Variants in ADAMTS18 observed in about 807,000 individuals in gnomAD.
The protein encoded by ADAMTS18 is ADAM metallopeptidase with thrombospondin type 1 motif 18.
In ADAMTS18, 157 loss-of-function variants were observed where a neutral mutation model predicts 165.9. The ratio of observed to expected loss-of-function variants is 0.95; its 90% CI spans 0.83 to 1.08. The LOEUF (loss-of-function observed/expected upper bound fraction) is 1.08, where lower values mean the gene tolerates loss of function less well. ADAMTS18 is among the 50% of genes least tolerant of loss of function. ADAMTS18 has a pLI of 0.00. For missense variants in ADAMTS18, 2,040 were observed against 1,534.0 expected (o/e 1.33, Z -5.51); for synonymous variants, 782 against 578.2 (o/e 1.35, Z -5.06).
intron 10 of ADAMTS18, among the ~76,000 whole-genome samples, chr16:77,343,749 T>A (rs1036008056): frequency 1.3e-5 from 2 of 152,190 alleles, no homozygotes; most frequent in African/African-American, 4.8e-5. Flanking sequence ...ACCAGATTAC[T>A]TTCCGTTCTA....
At chr16:77,386,108 A>G (rs1438841042) in intron 3 of ADAMTS18, among the ~76,000 whole-genome samples, 1 of 152,112 alleles carries the variant, frequency 6.6e-6, no homozygotes, top group Non-Finnish European at 1.5e-5. Flanking sequence ...TTCACTTGGG[A>G]TGTATGTAAC....
intron 16 of ADAMTS18, among the ~76,000 whole-genome samples, chr16:77,303,299 C>T (rs1207477241): frequency 6.6e-6 from 1 of 152,150 alleles, no homozygotes; most frequent in Non-Finnish European, 1.5e-5. Context: ...TGCATGGCTA[C>T]GGATGACACC....
intron 3 of ADAMTS18, among the ~76,000 whole-genome samples, chr16:77,413,253 A>G (rs965670148): frequency 1.3e-5 from 2 of 152,020 alleles, no homozygotes; most frequent in Non-Finnish European, 1.5e-5. Context: ...ACCCTCCCCT[A>G]CTTTTTGGGC....
intron 10 of ADAMTS18, among the ~76,000 whole-genome samples, chr16:77,349,004 C>T (rs556387374): frequency 2.6e-5 from 4 of 151,264 alleles, no homozygotes; most frequent in South Asian, 4.2e-4. Flanking sequence ...ATCACTGGAG[C>T]GTAAGTGCAT....
intron 12 of ADAMTS18, 68 bp from the exon 13 acceptor site, chr16:77,326,106 T>C (rs1023388999): frequency 7.4e-6 from 11 of 1,495,110 alleles, no homozygotes; most frequent in South Asian, 1.2e-5. Flanking sequence ...CATGCAATAA[T>C]ATGAAGAGAG....
At chr16:77,370,349 C>A (rs982247405) in intron 3 of ADAMTS18, among the ~76,000 whole-genome samples, 1 of 152,204 alleles carries the variant, frequency 6.6e-6, no homozygotes, top group Middle Eastern at 3.4e-3. Context: ...AAGAAACAAT[C>A]AAAAAACTAT....
intron 3 of ADAMTS18, among the ~76,000 whole-genome samples, chr16:77,404,216 C>A (rs184904829): frequency 1.3e-5 from 2 of 152,304 alleles, no homozygotes; most frequent in East Asian, 3.9e-4. Context: ...AGAGCTTGAA[C>A]TGACTTCTGC....
intron 3 of ADAMTS18, among the ~76,000 whole-genome samples, chr16:77,373,318 C>A (rs1012111869): frequency 6.6e-6 from 1 of 151,756 alleles, no homozygotes; most frequent in Non-Finnish European, 1.5e-5. Context: ...ACTAAAAATA[C>A]AAAAACTAGC....
intron 10 of ADAMTS18, among the ~76,000 whole-genome samples, chr16:77,347,001 C>T (rs1459556820): frequency 1.3e-5 from 2 of 152,172 alleles, no homozygotes; most frequent in Admixed American, 6.5e-5. Context: ...ATTCTGATTT[C>T]GGTCACCAAT....
chr16:77,416,767 G>A (rs778643162), intron 3 of ADAMTS18, among the ~76,000 whole-genome samples: 2 of 152,128 alleles, frequency 1.3e-5, no homozygotes, highest in Admixed American at 6.5e-5. Context: ...GGAAAATGAA[G>A]TCATCTCACC....
intron 3 of ADAMTS18, among the ~76,000 whole-genome samples, chr16:77,404,244 T>G (rs1409924232): frequency 6.6e-6 from 1 of 152,106 alleles, no homozygotes; most frequent in Admixed American, 6.6e-5. Flanking sequence ...CTAAAACAAT[T>G]ATCAAACTCC....
At chr16:77,433,794 T>TCC (rs1567563913) in intron 2 of ADAMTS18, among the ~76,000 whole-genome samples, 1 of 152,168 alleles carries the variant, frequency 6.6e-6, no homozygotes, top group Non-Finnish European at 1.5e-5. Flanking sequence ...CCCTCTGGGC[T>TCC]CCACTGGGAA....
intron 3 of ADAMTS18, among the ~76,000 whole-genome samples, chr16:77,417,285 G>T (rs957133020): frequency 6.6e-6 from 1 of 152,072 alleles, no homozygotes; most frequent in African/African-American, 2.4e-5. Context: ...TAGCTGGGTG[G>T]GTGAGTGGGT....
intron 8 of ADAMTS18, among the ~76,000 whole-genome samples, chr16:77,356,559 TC>T (rs2056633643): frequency 6.6e-6 from 1 of 152,190 alleles, no homozygotes; most frequent in African/African-American, 2.4e-5. Context: ...AAAACTTCTC[TC>T]CAACTATGAT....
chr16:77,362,389 C>A lies in ADAMTS18; in HGVS notation c.1057-125G>T. The A allele has an allele frequency of 2.8e-6, 3 of 1,062,364 alleles. No individual in the cohort carries two copies. The South Asian group carries it at 4.2e-5, about 15-fold the overall frequency. 65.8% of individuals were successfully genotyped at this position (1,062,364 alleles called of 1,614,324 possible). On this transcript the variant is annotated intron_variant, in intron 6 of 22. Transcript: ENST00000282849. ...GGAAAAAGATCAGTAAACACTTGAG[C>A]TAAGGTAGGAGACAGGAAAATCTCT... is the stretch of plus-strand genomic sequence containing the variant.
At chr16:77,355,206 G>GTGTGTGTGTGTT (rs1453113508) in intron 9 of ADAMTS18, among the ~76,000 whole-genome samples, 81 of 146,504 alleles carry the variant, frequency 5.5e-4, no homozygotes, top group Admixed American at 2.7e-3. Flanking sequence ...GTAGGATTGT[G>GTGTGTGTGTGTT]TGTGTGTGTG....
chr16:77,363,327 G>A (rs892714447), intron 6 of ADAMTS18, among the ~76,000 whole-genome samples: 126 of 152,156 alleles, frequency 8.3e-4, no homozygotes, highest in African/African-American at 2.9e-3. Context: ...TGGGGATACA[G>A]TAGGTTTACT....
intron 13 of ADAMTS18, 92 bp downstream of exon 13, chr16:77,325,774 C>T (rs2056083620): frequency 7.5e-7 from 1 of 1,334,734 alleles, no homozygotes; most frequent in Admixed American, 2.0e-5. Context: ...AACATTCAAA[C>T]TCTTTGATAC....
intron 3 of ADAMTS18, among the ~76,000 whole-genome samples, chr16:77,375,962 G>T (rs2056945709): frequency 7.8e-6 from 1 of 128,260 alleles, no homozygotes; most frequent in South Asian, 2.6e-4. Flanking sequence ...GGACTGCAAT[G>T]GCACGATCTC....
Sources: allele counts gnomAD v4.1 joint callset (sites outside exome capture counted in the v4.1 genomes callset), GRCh38; gene constraint gnomAD v4.1.1; transcripts MANE v1.5; gene names NCBI Gene and HGNC (gene_info 2026-07-23, HGNC 2026-07-21).